Variants in CEMIP2 observed in about 807,000 individuals in gnomAD.
CEMIP2 encodes the protein cell surface hyaluronidase CEMIP2.
Under a neutral mutation model 146.9 loss-of-function variants are expected in CEMIP2, and 79 were observed. That is an observed-to-expected ratio of 0.54 (90% CI 0.45 to 0.65). CEMIP2 has a LOEUF of 0.65. CEMIP2 is among the 30% of genes least tolerant of loss of function. The pLI is 0.00. For missense variants in CEMIP2, 1,596 were observed against 1,696.2 expected (o/e 0.94, Z 1.04); for synonymous variants, 601 against 606.3 (o/e 0.99, Z 0.13).
chr9:71,724,375 A>G (rs775944528), intron 11 of CEMIP2, among the ~76,000 whole-genome samples: 35 of 152,324 alleles, frequency 2.3e-4, no homozygotes, highest in African/African-American at 7.5e-4. Context: ...GATTTCTACT[A>G]TGAAATGCTA....
At position 71,700,774 on chromosome 9, in the gene CEMIP2, T is replaced by C; in HGVS notation, c.3245A>G (p.Gln1082Arg). 6.2e-7 allele frequency: 1 copy of C among 1,613,966 alleles called. No individual in the cohort carries two copies. Among genetic ancestry groups the C allele is most frequent in the Non-Finnish European group, 8.5e-7 (1 of 1,179,974 alleles). ...GLCYPSNTSF[Q>R]VTFGYLQRQN... ...CCGCTGCAAATAGCCAAAGGTAACT[T>C]GAAAACTTGTGTTTGATGGATAGCA... is the stretch of plus-strand genomic sequence containing the variant. Residue 1082 changes from glutamine to arginine, a missense_variant, in exon 19 of 24, where the codon CAA becomes CGA. By Grantham distance (43) the Gln-to-Arg change is conservative. Transcript: ENST00000377044.
Position 71,750,329 on chromosome 9 carries a change from T to C in CEMIP2, c.45A>G (p.Gln15=). 2 of 1,613,784 alleles carry C rather than the reference T, an allele frequency of 1.2e-6. No homozygotes were observed. The highest frequency in any genetic ancestry group is 1.7e-6 in the Non-Finnish European group (2 of 1,179,958). ...DSRGHSPAFL[Q]PQNGNSRHPS... Reference sequence around the variant, plus strand: ...GGTGACGACTATTTCCATTCTGAGGTTGGAGGAAAGCAGGGGAGTGTCCCC... The same window carrying C: ...GGTGACGACTATTTCCATTCTGAGGCTGGAGGAAAGCAGGGGAGTGTCCCC... The change falls in exon 2 of 24, where the codon CAA becomes CAG. Residue 15 remains glutamine (Q), a synonymous_variant. Transcript: ENST00000377044.
intron 18 of CEMIP2, among the ~76,000 whole-genome samples, chr9:71,704,219 G>A (rs1822660860): frequency 6.6e-6 from 1 of 152,040 alleles, no homozygotes; most frequent in African/African-American, 2.4e-5. Flanking sequence ...ACTTTCTTCT[G>A]CCAAGTCTAA....
rs536026621 is a variant in CEMIP2, at chr9:71,730,824, G to A, written c.1654C>T (p.His552Tyr). 6.2e-6 allele frequency: 10 copies of A among 1,614,176 alleles called. No homozygotes were observed. Among genetic ancestry groups the A allele is most frequent in the Non-Finnish European group, 8.5e-6 (10 of 1,180,036 alleles). ...QQMGRYPVHF[H>Y]LCGDVDYKGG... ...TTATAATCCACGTCACCACACAGGT[G>A]AAAATGAACAGGGTATCGCCCCATC... Residue 552 changes from histidine to tyrosine, a missense_variant, in exon 8 of 24, where the codon CAC becomes TAC. His to Tyr is a moderately conservative substitution (Grantham distance 83, BLOSUM62 2). Transcript: ENST00000377044.
At chr9:71,761,642 C>T (rs1355664846) in intron 1 of CEMIP2, among the ~76,000 whole-genome samples, 1 of 152,150 alleles carries the variant, frequency 6.6e-6, no homozygotes. Flanking sequence ...TCAAACAGGG[C>T]ACAAGGTCAG....
chr9:71,692,295 A>ATTT (rs1344412691), intron 21 of CEMIP2, among the ~76,000 whole-genome samples: 1 of 106,164 alleles, frequency 9.4e-6, no homozygotes, highest in East Asian at 3.1e-4. Flanking sequence ...AGCCTGCCTG[A>ATTT]TATTTTTTTT....
intron 18 of CEMIP2, among the ~76,000 whole-genome samples, chr9:71,704,132 G>A (rs1319753943): frequency 6.6e-6 from 1 of 152,014 alleles, no homozygotes; most frequent in African/African-American, 2.4e-5. Flanking sequence ...TTTCAGGCAG[G>A]GCTAGCAAAT....
intron 1 of CEMIP2, among the ~76,000 whole-genome samples, chr9:71,767,392 G>C (rs1231492812): frequency 6.6e-6 from 1 of 152,200 alleles, no homozygotes. Context: ...ATCAAGGGGA[G>C]TGAACTCAAG....
chr9:71,747,210 G>C (rs1020495698), intron 2 of CEMIP2, among the ~76,000 whole-genome samples: 3 of 152,178 alleles, frequency 2.0e-5, no homozygotes, highest in African/African-American at 7.2e-5. Context: ...CTATGGCCAA[G>C]TATTTGTGGA....
chr9:71,701,266 C>T (rs143090975), intron 18 of CEMIP2, among the ~76,000 whole-genome samples: 23 of 152,154 alleles, frequency 1.5e-4, no homozygotes, highest in South Asian at 4.1e-4. Context: ...ACACCATGCA[C>T]GGCTAATTTT....
intron 1 of CEMIP2, among the ~76,000 whole-genome samples, chr9:71,757,561 A>G (rs1357315268): frequency 6.6e-6 from 1 of 152,258 alleles, no homozygotes; most frequent in East Asian, 1.9e-4. Flanking sequence ...AGGAGTGAGC[A>G]TGAATTATCA....
rs772864798 is a variant in CEMIP2 at position 71,685,410 on chromosome 9, A to AG, written c.3956-18_3956-17insC. On this transcript the variant is annotated splice_polypyrimidine_tract_variant and intron_variant, in intron 23 of 23. Coordinates refer to ENST00000377044, the MANE Select transcript of CEMIP2 (RefSeq NM_013390.3). ...TGGTACTCCCTAAAAAAAAAAAAAA[A>AG]AAAGAAAAAGAAAAAAAATCAATTT... is the stretch of plus-strand genomic sequence containing the variant. The AG allele has an allele frequency of 1.5e-4, 222 of 1,482,618 alleles. No homozygotes were observed. Among genetic ancestry groups the AG allele is most frequent in the East Asian group, 4.7e-4 (19 of 40,020 alleles). 91.8% of individuals were successfully genotyped at this position (1,482,618 alleles called of 1,614,324 possible). A position where few individuals can be genotyped will look rare whatever the true frequency, so the allele number is the denominator to read the frequency against.
At chr9:71,711,000 A>T (rs1822889573) in intron 16 of CEMIP2, among the ~76,000 whole-genome samples, 1 of 152,164 alleles carries the variant, frequency 6.6e-6, no homozygotes, top group Admixed American at 6.5e-5. Flanking sequence ...TGAAAGAATG[A>T]TGACTTATTT....
intron 17 of CEMIP2, among the ~76,000 whole-genome samples, chr9:71,705,175 A>C (rs1822698439): frequency 6.6e-6 from 1 of 152,082 alleles, no homozygotes; most frequent in African/African-American, 2.4e-5. Flanking sequence ...GATATCCTCT[A>C]CTCAAATCTA....
At chr9:71,727,578 T>C (rs1185863005) in intron 10 of CEMIP2, among the ~76,000 whole-genome samples, 1 of 152,230 alleles carries the variant, frequency 6.6e-6, no homozygotes, top group Non-Finnish European at 1.5e-5. Context: ...TCCTGTTATC[T>C]CAAATAAATA....
At chr9:71,709,560 T>C (rs1822848263) in intron 16 of CEMIP2, 86 bp from the exon 17 acceptor site, 3 of 1,107,742 alleles carry the variant, frequency 2.7e-6, no homozygotes, top group South Asian at 2.6e-5. Flanking sequence ...TGCAGGTCCA[T>C]TGTGATTGCT....
intron 7 of CEMIP2, 105 bp from the exon 8 acceptor site, chr9:71,731,019 C>A: frequency 1.1e-6 from 1 of 889,562 alleles, no homozygotes. Context: ...CTTATTAAAA[C>A]ATTCGATTTT....
In CEMIP2 at chr9:71,740,167, T is replaced by A. The variant is rs761189319; in HGVS notation, c.1100A>T (p.Asn367Ile). Residue 367 changes from asparagine to isoleucine, a missense_variant, in exon 5 of 24, where the codon AAC becomes ATC. Coordinates refer to ENST00000377044, the MANE Select transcript of CEMIP2 (RefSeq NM_013390.3). ...CCCGCCACTGCTATGATTTTCATAG[T>A]TTCTCACGGATTCATTGCAAGAAGT... ...GSTSCNESVR[N>I]YENHSSGGKA... 9 of 1,614,084 alleles carry A rather than the reference T, an allele frequency of 5.6e-6. No individual in the cohort carries two copies. The highest frequency in any genetic ancestry group is 7.6e-6 in the Non-Finnish European group (9 of 1,180,018).
intron 1 of CEMIP2, among the ~76,000 whole-genome samples, chr9:71,766,976 C>T (rs574082457): frequency 6.6e-6 from 1 of 152,270 alleles, no homozygotes; most frequent in South Asian, 2.1e-4. Context: ...TAAAGTGCTA[C>T]CCAATGTTTA....
Sources: gnomAD v4.1 joint callset for allele counts (sites outside exome capture counted in the v4.1 genomes callset) on GRCh38, gnomAD v4.1.1 for gene constraint, MANE v1.5 for transcripts, NCBI Gene and HGNC (gene_info 2026-07-23, HGNC 2026-07-21) for gene names.